The following NF1 variants were observed in gnomAD, a reference collection of about 807,000 sequenced individuals.
The protein encoded by NF1 is neurofibromin 1.
Under a neutral mutation model 325.7 loss-of-function variants are expected in NF1, and 122 were observed. That is an observed-to-expected ratio of 0.37 (90% CI 0.32 to 0.44). The LOEUF (loss-of-function observed/expected upper bound fraction) is 0.44. Among genes scored for constraint, NF1 ranks in the 20% least tolerant of loss-of-function variants. The pLI, the probability that NF1 is intolerant of heterozygous loss-of-function variation, is 1.00. For missense variants in NF1, 2,140 were observed against 3,415.4 expected, an observed-to-expected ratio of 0.63 and a Z score of 9.31; for synonymous variants, 1,091 against 1,186.0, an observed-to-expected ratio of 0.92 and a Z score of 1.65.
intron 36 of NF1, among the ~76,000 whole-genome samples, chr17:31,267,508 G>T (rs1450726741): frequency 6.6e-6 from 1 of 152,030 alleles, no homozygotes; most frequent in Non-Finnish European, 1.5e-5. Flanking sequence ...GTGAAGCCTA[G>T]CTCCAAGACA....
At chr17:31,250,175 A>T in intron 30 of NF1, 2 of 333,390 alleles carry the variant, frequency 6.0e-6, no homozygotes, top group Non-Finnish European at 5.8e-6. Flanking sequence ...TTAATTTATC[A>T]TGACTTTTCT....
intron 1 of NF1, among the ~76,000 whole-genome samples, chr17:31,131,409 GA>G (rs1915380122): frequency 6.6e-6 from 1 of 152,180 alleles, no homozygotes; most frequent in Non-Finnish European, 1.5e-5. Flanking sequence ...TGGGGGCCAG[GA>G]AAAAGTCCCG....
At position 31,169,997 on chromosome 17, in the gene NF1, G is replaced by A. The variant is rs876659079; in HGVS notation, c.586G>A (p.Glu196Lys). ...TGCAAAATTAAAACGACTCCTGAAGGGTAAGTTTAAATGTATAATATATCT... is the reference window on the plus strand; with the variant it reads ...TGCAAAATTAAAACGACTCCTGAAGAGTAAGTTTAAATGTATAATATATCT... ...DCAKLKRLLK[E>K]TAFKFKALKK... Residue 196 changes from glutamate to lysine, a missense_variant and splice_region_variant, in exon 5 of 58, where the codon GAA becomes AAA. Glu to Lys is a moderately conservative substitution (Grantham distance 56, BLOSUM62 1). This residue lies in a region of NF1 where 246 missense variants were observed against 347.8 expected (regional missense o/e 0.71). Transcript: ENST00000358273. 1 of 1,591,654 alleles carries A rather than the reference G, an allele frequency of 6.3e-7. No homozygotes were observed. Among genetic ancestry groups the A allele is most frequent in the Non-Finnish European group, 8.6e-7 (1 of 1,160,784 alleles).
chr17:31,240,602 G>A (rs544031685), intron 29 of NF1, among the ~76,000 whole-genome samples: 1 of 152,252 alleles, frequency 6.6e-6, no homozygotes, highest in East Asian at 1.9e-4. Flanking sequence ...ACCTAGTAGT[G>A]AGATTTCTGG....
chr17:31,327,861 T>A (rs752381764), intron 38 of NF1, 22 bp downstream of exon 38: 2 of 1,599,480 alleles, frequency 1.3e-6, no homozygotes, highest in Non-Finnish European at 1.7e-6. Context: ...AAAATTCTCT[T>A]CAGTTTGATT....
rs1043807506 is a variant in NF1 at position 31,236,870 on chromosome 17, C to T, written c.3974+849C>T. On this transcript the variant is annotated intron_variant, in intron 29 of 57. Transcript: ENST00000358273. ...TGCACCACCATTGTAACAATTGTGACGATTTATGAGTTTCTCTCTCCTCTA... is the reference window on the plus strand; with the variant it reads ...TGCACCACCATTGTAACAATTGTGATGATTTATGAGTTTCTCTCTCCTCTA... Among the ~76,000 whole-genome samples, 60 of 152,176 alleles carry T rather than the reference C, an allele frequency of 3.9e-4. 1 individual carries two copies. The highest frequency in any genetic ancestry group is 1.4e-3 in the African/African-American group (59 of 41,516).
intron 36 of NF1, among the ~76,000 whole-genome samples, chr17:31,275,782 A>G (rs1296680914): frequency 6.6e-6 from 1 of 152,192 alleles, no homozygotes. Context: ...TACTTTGATC[A>G]GAGTCTCATT....
chr17:31,212,165 CTG>C (rs2066739278), intron 12 of NF1, among the ~76,000 whole-genome samples: 1 of 151,924 alleles, frequency 6.6e-6, no homozygotes, highest in Admixed American at 6.6e-5. Context: ...ATTTTGAAAA[CTG>C]TTTTAAGATC....
At chr17:31,320,343 TAAA>T (rs74877638) in intron 36 of NF1, 431 of 1,171,822 alleles carry the variant, frequency 3.7e-4, no homozygotes, top group South Asian at 1.3e-3. Context: ...TCCTTTTATT[TAAA>T]AAAAAAAAAA....
rs533819802 is a variant in NF1 at position 31,226,654 on chromosome 17, T to A, written c.2221T>A (p.Phe741Ile). ...GCCCAACTATAACACATTCATGGAG[T>A]TTGCCTCTGTCAGCAATATGATGTC... Reference protein sequence around the residue: ...LLPNYNTFMEFASVSNMMSTG... With the variant: ...LLPNYNTFMEIASVSNMMSTG... Residue 741 changes from phenylalanine (F) to isoleucine (I), a missense_variant, in exon 18 of 58, where the codon TTT (phenylalanine) becomes ATT (isoleucine). Phe to Ile is a conservative substitution (Grantham distance 21, BLOSUM62 0). Coordinates refer to ENST00000358273, the MANE Select transcript of NF1 (RefSeq NM_001042492.3). 1 of 1,613,800 alleles carries A rather than the reference T, an allele frequency of 6.2e-7. No individual in the cohort carries two copies. The highest frequency in any genetic ancestry group is 2.2e-5 in the East Asian group (1 of 44,886).
chr17:31,109,306 G>A (rs1913190165), intron 1 of NF1, among the ~76,000 whole-genome samples: 1 of 152,034 alleles, frequency 6.6e-6, no homozygotes, highest in South Asian at 2.1e-4. Context: ...AGGGAGGTGG[G>A]CTCTTCATGC....
At chr17:31,299,815 C>T (rs780315953) in intron 36 of NF1, among the ~76,000 whole-genome samples, 7 of 151,994 alleles carry the variant, frequency 4.6e-5, no homozygotes, top group African/African-American at 7.2e-5. Context: ...TTTCTTTATG[C>T]CACTGGCTTG....
chr17:31,233,354 C>A, intron 27 of NF1, 141 bp downstream of exon 27: 1 of 868,542 alleles, frequency 1.2e-6, no homozygotes, highest in Non-Finnish European at 1.9e-6. Flanking sequence ...GGTGATTTTT[C>A]AGCTGTAGGG....
intron 36 of NF1, chr17:31,273,753 A>G (rs954484142): frequency 3.9e-5 from 6 of 152,322 alleles, no homozygotes; most frequent in Non-Finnish European, 7.4e-5. Flanking sequence ...CCAGACAACT[A>G]CATATAAACA....
Position 31,098,289 on chromosome 17 carries a change from CCATCA to C in NF1, c.60+2921_60+2925del, listed in dbSNP as rs540187134. Among the ~76,000 whole-genome samples, 716 of 151,942 alleles carry C rather than the reference CCATCA, an allele frequency of 4.7e-3. 7 individuals are homozygous for C. Among genetic ancestry groups the C allele is most frequent in the African/African-American group, 0.016 (684 of 41,488 alleles). ...AGTATGAAAAGTAGTGAATGCTTGACCATCAGGGAGATACTTTTCCTAAGTATCCC... is the reference window on the plus strand; with the variant it reads ...AGTATGAAAAGTAGTGAATGCTTGACGGGAGATACTTTTCCTAAGTATCCC... On this transcript the variant is annotated intron_variant, in intron 1 of 57. Coordinates refer to ENST00000358273, the MANE Select transcript of NF1 (RefSeq NM_001042492.3).
At chr17:31,219,571 G>T (rs992796025) in intron 14 of NF1, among the ~76,000 whole-genome samples, 4 of 151,856 alleles carry the variant, frequency 2.6e-5, no homozygotes, top group Non-Finnish European at 5.9e-5. Flanking sequence ...CCATGTTGGT[G>T]TGCTGCACCC....
At chr17:31,326,837 T>A (rs1239516103) in intron 37 of NF1, among the ~76,000 whole-genome samples, 1 of 152,138 alleles carries the variant, frequency 6.6e-6, no homozygotes, top group Non-Finnish European at 1.5e-5. Flanking sequence ...AATTACCTAA[T>A]GAGAGTTCTG....
In NF1 at chr17:31,374,668, A is replaced by G; in HGVS notation, c.*513A>G. Reference sequence around the variant, plus strand: ...AGCTGTGGACTTTTTTTTTAACCGTACAAAACTGAAAGAACCATAGAGGTC... The same window carrying G: ...AGCTGTGGACTTTTTTTTTAACCGTGCAAAACTGAAAGAACCATAGAGGTC... On this transcript the variant is annotated 3_prime_UTR_variant, in exon 58 of 58. Transcript: ENST00000358273. 4.0e-6 allele frequency: 1 copy of G among 250,378 alleles called. No individual in the cohort carries two copies. Among genetic ancestry groups the G allele is most frequent in the Non-Finnish European group, 7.8e-6 (1 of 127,608 alleles). 15.5% of individuals were successfully genotyped at this position (250,378 alleles called of 1,614,324 possible).
intron 29 of NF1, among the ~76,000 whole-genome samples, chr17:31,241,939 C>A (rs2151443693): frequency 6.6e-6 from 1 of 152,256 alleles, no homozygotes; most frequent in Non-Finnish European, 1.5e-5. Flanking sequence ...TTGATAAAAT[C>A]CCTCAGCTTT....
Sources: allele counts gnomAD v4.1 joint callset (sites outside exome capture counted in the v4.1 genomes callset), GRCh38; gene constraint gnomAD v4.1.1; regional missense constraint gnomAD v4.1.1; transcripts MANE v1.5; gene names NCBI Gene and HGNC (gene_info 2026-07-23, HGNC 2026-07-21).